The following PIEZO1 variants were observed in gnomAD, a reference collection of about 807,000 sequenced individuals.
The protein encoded by PIEZO1 is piezo-type mechanosensitive ion channel component 1.
PIEZO1 carries 296 observed loss-of-function variants against 297.2 expected under a neutral mutation model. The observed-to-expected ratio is 1.00, with a 90% CI of 0.91 to 1.10. The LOEUF (loss-of-function observed/expected upper bound fraction) is 1.10. PIEZO1 is among the 50% of genes least tolerant of loss of function. The probability of loss-of-function intolerance (pLI) is 0.00; values close to 1 mark genes in which losing one functional copy is unlikely to be tolerated. For missense variants in PIEZO1, 5,018 were observed against 3,455.5 expected (o/e 1.45, Z -11.34); for synonymous variants, 2,427 against 1,507.5 (o/e 1.61, Z -14.13).
intron 1 of PIEZO1, among the ~76,000 whole-genome samples, chr16:88,765,297 T>C (rs1175229838): frequency 6.6e-6 from 1 of 152,158 alleles, no homozygotes; most frequent in African/African-American, 2.4e-5. Context: ...CGGGCAGGTG[T>C]CTGGTCACAC....
At position 88,737,543 on chromosome 16, in the gene PIEZO1, A is replaced by C; in HGVS notation, c.1195+16T>G. On this transcript the variant is annotated intron_variant, in intron 10 of 50. Transcript: ENST00000301015. ...CCCCCCGCACCCAGCCATACCTTGC[A>C]GTGTGCGGTACTCACCAGGCCGCCG... 7.3e-6 allele frequency: 11 copies of C among 1,500,398 alleles called. No homozygotes were observed. Among genetic ancestry groups the C allele is most frequent in the African/African-American group, 1.4e-5 (1 of 72,228 alleles). 92.9% of individuals were successfully genotyped at this position (1,500,398 alleles called of 1,614,324 possible).
At chr16:88,747,659 C>T (rs1301681796) in intron 2 of PIEZO1, among the ~76,000 whole-genome samples, 2 of 152,226 alleles carry the variant, frequency 1.3e-5, no homozygotes, top group African/African-American at 4.8e-5. Context: ...CCCAATGATG[C>T]CTGCACCCCA....
intron 5 of PIEZO1, 83 bp from the exon 6 acceptor site, chr16:88,738,819 G>C: frequency 7.8e-7 from 1 of 1,290,072 alleles, no homozygotes; most frequent in Non-Finnish European, 1.1e-6. Context: ...AGCCAGGAGC[G>C]TGGGAGGCGG....
intron 1 of PIEZO1, among the ~76,000 whole-genome samples, chr16:88,772,412 G>A (rs532955221): frequency 1.3e-5 from 2 of 152,192 alleles, no homozygotes; most frequent in East Asian, 1.9e-4. Flanking sequence ...CCACGCTGGA[G>A]CTGAGGGCCC....
chr16:88,769,644 A>G (rs988068818), intron 1 of PIEZO1, among the ~76,000 whole-genome samples: 1 of 152,228 alleles, frequency 6.6e-6, no homozygotes, highest in African/African-American at 2.4e-5. Context: ...TGCAGCCTCC[A>G]GTCAGCACGC....
intron 1 of PIEZO1, among the ~76,000 whole-genome samples, chr16:88,753,711 T>C (rs186923883): frequency 7.3e-4 from 111 of 152,348 alleles, no homozygotes; most frequent in African/African-American, 2.6e-3. Context: ...GTGCTGTCTA[T>C]GCAGCCGGCA....
intron 1 of PIEZO1, among the ~76,000 whole-genome samples, chr16:88,776,320 G>C (rs948788315): frequency 2.6e-5 from 4 of 152,220 alleles, no homozygotes; most frequent in African/African-American, 9.6e-5. Context: ...TGTAGTCCCA[G>C]CTACTCGGGA....
intron 1 of PIEZO1, among the ~76,000 whole-genome samples, chr16:88,770,499 C>A (rs142057792): frequency 6.6e-6 from 1 of 152,200 alleles, no homozygotes; most frequent in South Asian, 2.1e-4. Flanking sequence ...CTGAGCAGGG[C>A]GTTCTCCTCA....
chr16:88,719,524 G>T (rs1211812257), intron 44 of PIEZO1, 50 bp downstream of exon 44: 2 of 1,494,750 alleles, frequency 1.3e-6, no homozygotes, highest in African/African-American at 1.4e-5. Context: ...GTCTTAGGGA[G>T]AGGGCATATC....
chr16:88,783,208 G>C (rs1012597313), intron 1 of PIEZO1, among the ~76,000 whole-genome samples: 2 of 152,134 alleles, frequency 1.3e-5, no homozygotes, highest in African/African-American at 4.8e-5. Flanking sequence ...CAATCGAGAA[G>C]GCAGAACCCA....
In PIEZO1 at chr16:88,722,292, G is replaced by A. The variant is rs774101473; in HGVS notation, c.4881C>T (p.Asp1627=). 6 of 1,548,434 alleles carry A rather than the reference G, an allele frequency of 3.9e-6. No homozygotes were observed. Among genetic ancestry groups the A allele is most frequent in the East Asian group, 2.4e-5 (1 of 40,926 alleles). Residue 1627 remains aspartate (D), a synonymous_variant, in exon 36 of 51, where the codon GAC becomes GAT. Transcript: ENST00000301015. ...TRSGSEEAVT[D]PGEREAGASL... ...AGGCACCAGCCTCACGCTCCCCGGG[G>A]TCGGTGACTGCCTCCTCACTGCCAC...
chr16:88,727,300 G>A (rs1177433050), intron 23 of PIEZO1, 108 bp from the exon 24 acceptor site: 2 of 1,272,802 alleles, frequency 1.6e-6, no homozygotes, highest in Non-Finnish European at 1.1e-6. Context: ...CAGCCGCTGG[G>A]AGCGGACACA....
At chr16:88,753,345 A>G (rs1165201797) in intron 1 of PIEZO1, among the ~76,000 whole-genome samples, 1 of 135,962 alleles carries the variant, frequency 7.4e-6, no homozygotes, top group African/African-American at 2.8e-5. Flanking sequence ...CCACCCCCAG[A>G]GCACACCCAC....
rs1187910298 is a variant in PIEZO1 at position 88,721,162 on chromosome 16, A to C, written c.5668+4T>G. The C allele has an allele frequency of 2.7e-6, 4 of 1,497,566 alleles. No individual in the cohort carries two copies. The highest frequency in any genetic ancestry group is 3.6e-6 in the Non-Finnish European group (4 of 1,124,644). 92.8% of individuals were successfully genotyped at this position (1,497,566 alleles called of 1,614,324 possible). A position where few individuals can be genotyped will look rare whatever the true frequency, so the allele number is the denominator to read the frequency against. On this transcript the variant is annotated splice_donor_region_variant and intron_variant, in intron 39 of 50. Transcript: ENST00000301015. ...CAGGAGGTTGTGAGGCAGGGCGCTT[A>C]TACCGATGGCTGCCGCTCCTTTCCG...
rs1225512990 is a variant in PIEZO1 at position 88,722,384 on chromosome 16, C to T, written c.4789G>A (p.Glu1597Lys). 2.0e-6 allele frequency: 3 copies of T among 1,505,096 alleles called. No homozygotes were observed. The highest frequency in any genetic ancestry group is 4.3e-5 in the Admixed American group (2 of 46,850). 93.2% of individuals were successfully genotyped at this position (1,505,096 alleles called of 1,614,324 possible). Residue 1597 changes from glutamate (E) to lysine (K), a missense_variant, in exon 36 of 51, where the codon GAG becomes AAG. Coordinates refer to ENST00000301015, the MANE Select transcript of PIEZO1 (RefSeq NM_001142864.4). ...TCTGTCATGCTGCTGAGTGGCTCCT[C>T]CGCGCCCAGCCCACTGGGGAGGGAA... Reference protein sequence around the residue: ...PSTVSSGLGAEEPLSSMTDDM... With the variant: ...PSTVSSGLGAKEPLSSMTDDM...
intron 2 of PIEZO1, chr16:88,744,081 G>A (rs939164588): frequency 5.7e-5 from 10 of 173,982 alleles, no homozygotes; most frequent in Non-Finnish European, 2.5e-5. Context: ...CATACCTGCC[G>A]CGCCAGCCCC....
intron 1 of PIEZO1, among the ~76,000 whole-genome samples, chr16:88,760,633 G>T (rs1661049291): frequency 6.6e-6 from 1 of 152,058 alleles, no homozygotes; most frequent in Non-Finnish European, 1.5e-5. Flanking sequence ...GGGCCCGAGG[G>T]GAGCCACCCG....
Position 88,734,537 on chromosome 16 carries a change from G to C in PIEZO1, c.1999C>G (p.Leu667Val). Residue 667 changes from leucine to valine, a missense_variant and splice_region_variant, in exon 16 of 51, where the codon CTG becomes GTG. Physicochemically the swap from Leu to Val is conservative, Grantham distance 32. Coordinates refer to ENST00000301015, the MANE Select transcript of PIEZO1 (RefSeq NM_001142864.4). ...RNLTGFTDEQ[L>V]GDLGLEQFSV... is the part of the protein sequence containing the mutation. ...AACTGCTCCAGGCCCAGGTCCCCCA[G>C]CCTGTGGAGGGGCAGCATCAGCACC... 6.5e-7 allele frequency: 1 copy of C among 1,542,558 alleles called. No homozygotes were observed. The highest frequency in any genetic ancestry group is 8.8e-7 in the Non-Finnish European group (1 of 1,142,220).
At chr16:88,742,957 C>G (rs1567679432) in intron 2 of PIEZO1, 1 of 405,120 alleles carries the variant, frequency 2.5e-6, no homozygotes, top group Non-Finnish European at 5.1e-6. Context: ...GAAGTTGCAT[C>G]CCGATGCATG....
Sources: allele counts gnomAD v4.1 joint callset (sites outside exome capture counted in the v4.1 genomes callset), GRCh38; gene constraint gnomAD v4.1.1; transcripts MANE v1.5; gene names NCBI Gene and HGNC (gene_info 2026-07-23, HGNC 2026-07-21).